Variants in NRG3 observed in about 807,000 individuals in gnomAD.
NRG3 encodes the protein pro-neuregulin-3, membrane-bound isoform.
In NRG3, 31 loss-of-function variants were observed where a neutral mutation model predicts 66.9. The ratio of observed to expected loss-of-function variants is 0.46; its 90% CI spans 0.35 to 0.63. NRG3 has a LOEUF of 0.63. Among genes scored for constraint, NRG3 ranks in the 20% least tolerant of loss-of-function variants. NRG3 has a pLI of 0.00. For missense variants in NRG3, 910 were observed against 878.9 expected (o/e 1.04, Z -0.45); for synonymous variants, 393 against 359.4 (o/e 1.09, Z -1.06).
intron 1 of NRG3, among the ~76,000 whole-genome samples, chr10:81,988,115 C>T (rs1014358328): frequency 2.0e-5 from 3 of 152,096 alleles, no homozygotes; most frequent in Non-Finnish European, 4.4e-5. Flanking sequence ...AATATATTGA[C>T]CTTATCCAAA....
At position 82,731,505 on chromosome 10, in the gene NRG3, G is replaced by A. The variant is rs879482130; in HGVS notation, c.954-7072G>A. ...CAACTTTTTTAGATTCCACGTATAC[G>A]TGATAACGTGGTATTTGTCTTTCTG... On this transcript the variant is annotated intron_variant, in intron 2 of 8. Transcript: ENST00000372141. Among the ~76,000 whole-genome samples, 9 of 152,078 alleles carry A rather than the reference G, an allele frequency of 5.9e-5. No homozygotes were observed. The East Asian group carries it at 9.7e-4, about 16-fold the overall frequency.
In NRG3 at chr10:82,895,742, G is replaced by A. The variant is rs186139266; in HGVS notation, c.1054+30305G>A. ...CCTCACCTCGTGATCCGCCCGCCTTGGCCTCCCAAAAGTGCTGGGATTACA... is the reference window on the plus strand; with the variant it reads ...CCTCACCTCGTGATCCGCCCGCCTTAGCCTCCCAAAAGTGCTGGGATTACA... On this transcript the variant is annotated intron_variant, in intron 4 of 8. Transcript: ENST00000372141. Among the ~76,000 whole-genome samples, 468 of 152,102 alleles carry A rather than the reference G, an allele frequency of 3.1e-3. 8 individuals are homozygous for A. Among genetic ancestry groups the A allele is most frequent in the African/African-American group, 0.01 (417 of 41,522 alleles).
At chr10:82,640,150 C>T (rs2050471257) in intron 2 of NRG3, among the ~76,000 whole-genome samples, 1 of 152,124 alleles carries the variant, frequency 6.6e-6, no homozygotes. Flanking sequence ...ACAGCAATAC[C>T]ATTACTGGGT....
At chr10:82,353,867 G>A (rs770415677) in intron 1 of NRG3, among the ~76,000 whole-genome samples, 19 of 151,648 alleles carry the variant, frequency 1.3e-4, no homozygotes, top group Admixed American at 2.0e-4. Context: ...TTTTCTTCTC[G>A]TTTGTCCTCT....
intron 3 of NRG3, among the ~76,000 whole-genome samples, chr10:82,765,068 C>T (rs1411815283): frequency 5.3e-5 from 8 of 152,004 alleles, no homozygotes; most frequent in Admixed American, 5.2e-4. Context: ...ATACAGTTTT[C>T]ATTAAAAATA....
chr10:82,023,459 T>C (rs1215063190), intron 1 of NRG3, among the ~76,000 whole-genome samples: 1 of 152,054 alleles, frequency 6.6e-6, no homozygotes, highest in Non-Finnish European at 1.5e-5. Context: ...AGGCTTGCAA[T>C]TTTTCCCTAT....
At chr10:82,105,719 T>C (rs2067018919) in intron 1 of NRG3, among the ~76,000 whole-genome samples, 1 of 152,180 alleles carries the variant, frequency 6.6e-6, no homozygotes, top group Non-Finnish European at 1.5e-5. Context: ...CAATTTGAGA[T>C]ATTATCAATA....
intron 1 of NRG3, among the ~76,000 whole-genome samples, chr10:82,199,352 T>G (rs548992976): frequency 3.3e-5 from 5 of 152,286 alleles, no homozygotes; most frequent in African/African-American, 1.2e-4. Flanking sequence ...ACCTGGAAGC[T>G]TCTCTCCCTG....
chr10:81,903,959 A>G (rs1254034726), intron 1 of NRG3, among the ~76,000 whole-genome samples: 1 of 149,494 alleles, frequency 6.7e-6, no homozygotes, highest in Admixed American at 6.7e-5. Flanking sequence ...ATCCACCTTC[A>G]AGACTTCAGA....
At chr10:82,402,567 A>T (rs2087187506) in intron 2 of NRG3, among the ~76,000 whole-genome samples, 1 of 152,054 alleles carries the variant, frequency 6.6e-6, no homozygotes, top group South Asian at 2.1e-4. Context: ...CTATGTGAGA[A>T]TTTTTTTACT....
chr10:82,321,577 C>G (rs777321289), intron 1 of NRG3, among the ~76,000 whole-genome samples: 4 of 152,104 alleles, frequency 2.6e-5, no homozygotes, highest in Admixed American at 6.6e-5. Context: ...TCTAATTTGC[C>G]TAATAGTGAT....
chr10:82,614,842 T>G (rs1417252005), intron 2 of NRG3, among the ~76,000 whole-genome samples: 1 of 151,988 alleles, frequency 6.6e-6, no homozygotes, highest in Non-Finnish European at 1.5e-5. Flanking sequence ...GATATTAGAC[T>G]CCAGTCCCAA....
At chr10:82,951,334 G>GT (rs1849495747) in intron 4 of NRG3, 135 bp from the exon 5 acceptor site, 1 of 619,590 alleles carries the variant, frequency 1.6e-6, no homozygotes, top group Non-Finnish European at 2.9e-6. Context: ...TAAGTTCCTT[G>GT]TTTTTTCCCT....
At chr10:82,637,135 T>C (rs1317516442) in intron 2 of NRG3, among the ~76,000 whole-genome samples, 1 of 152,192 alleles carries the variant, frequency 6.6e-6, no homozygotes, top group Admixed American at 6.5e-5. Context: ...TTATACTGTA[T>C]ATGTGTAGCT....
intron 1 of NRG3, among the ~76,000 whole-genome samples, chr10:82,170,119 T>G (rs74144186): frequency 0.022 from 3,407 of 152,106 alleles, 127 homozygotes; most frequent in African/African-American, 0.078. Context: ...GGTTCACTTT[T>G]CTATATCCAA....
chr10:82,165,108 G>A (rs530969084), intron 1 of NRG3, among the ~76,000 whole-genome samples: 17 of 152,066 alleles, frequency 1.1e-4, no homozygotes, highest in South Asian at 2.1e-4. Context: ...TCCATTGTAT[G>A]GATGCTACCA....
chr10:82,144,340 T>C (rs1201400290), intron 1 of NRG3, among the ~76,000 whole-genome samples: 1 of 152,162 alleles, frequency 6.6e-6, no homozygotes, highest in Non-Finnish European at 1.5e-5. Context: ...CTAATAGGAA[T>C]TGGTCCCTTG....
chr10:81,906,889 T>C (rs1198403200), intron 1 of NRG3, among the ~76,000 whole-genome samples: 1 of 152,082 alleles, frequency 6.6e-6, no homozygotes, highest in East Asian at 1.9e-4. Flanking sequence ...TTGAAGATAG[T>C]GTAGAGCAGT....
At chr10:82,438,455 C>A (rs904210278) in intron 2 of NRG3, among the ~76,000 whole-genome samples, 2 of 152,342 alleles carry the variant, frequency 1.3e-5, no homozygotes, top group Non-Finnish European at 2.9e-5. Flanking sequence ...GCCCTTCCCC[C>A]ACCCAGGGAG....
Sources: gnomAD v4.1 joint callset for allele counts (sites outside exome capture counted in the v4.1 genomes callset) on GRCh38, gnomAD v4.1.1 for gene constraint, MANE v1.5 for transcripts, NCBI Gene and HGNC (gene_info 2026-07-23, HGNC 2026-07-21) for gene names.